Variants in CTNND2 observed in about 807,000 individuals in gnomAD.
CTNND2 encodes the protein catenin delta-2.
A neutral mutation model predicts 144.4 loss-of-function variants in CTNND2; 22 were observed. The ratio of observed to expected loss-of-function variants is 0.15; its 90% confidence interval spans 0.11 to 0.22. The LOEUF is 0.22. Among genes scored for constraint, CTNND2 ranks in the 10% least tolerant of loss-of-function variants. The probability of loss-of-function intolerance (pLI) is 1.00; values close to 1 mark genes in which losing one functional copy is unlikely to be tolerated. For missense variants in CTNND2, 1,353 were observed against 1,618.8 expected, an observed-to-expected ratio of 0.84 and a Z score of 2.82; for synonymous variants, 751 against 695.6, an observed-to-expected ratio of 1.08 and a Z score of -1.25.
chr5:11,558,361 T>TAC (rs1359917858), intron 3 of CTNND2, among the ~76,000 whole-genome samples: 1 of 103,016 alleles, frequency 9.7e-6, no homozygotes, highest in African/African-American at 3.2e-5. Flanking sequence ...TGTGTGTGTG[T>TAC]GTGTGTGTGT....
intron 2 of CTNND2, among the ~76,000 whole-genome samples, chr5:11,710,130 G>A (rs1003219560): frequency 3.9e-5 from 6 of 152,122 alleles, no homozygotes; most frequent in Admixed American, 1.3e-4. Flanking sequence ...CCAAGAGAAG[G>A]GCAGGCAAAG....
chr5:11,429,550 C>T (rs751779332), intron 3 of CTNND2, among the ~76,000 whole-genome samples: 1 of 152,138 alleles, frequency 6.6e-6, no homozygotes, highest in Non-Finnish European at 1.5e-5. Context: ...TTTAATCTGG[C>T]TAGAGAGGAA....
At chr5:11,011,825 T>C (rs1741121737) in intron 18 of CTNND2, among the ~76,000 whole-genome samples, 1 of 152,072 alleles carries the variant, frequency 6.6e-6, no homozygotes, top group Non-Finnish European at 1.5e-5. Flanking sequence ...GTTGTAAACA[T>C]GGGACTCTGT....
rs1738170406 is a variant in CTNND2, at chr5:11,904,422, C to A, written c.-569G>T. On this transcript the variant is annotated 5_prime_UTR_variant, in exon 1 of 22. Coordinates refer to ENST00000304623, the MANE Select transcript of CTNND2 (RefSeq NM_001332.4). The surrounding 1 kb of genome is among the most constrained non-coding windows in gnomAD (Gnocchi z 4.2). ...CCGGCTAGTGAGGGAGCGTCCGCCC[C>A]GCCGCCGAAACCGGCCCCGGGTGCG... Among the ~76,000 whole-genome samples the A allele has an allele frequency of 6.6e-6, 1 of 151,832 alleles. No individual in the cohort carries two copies. The highest frequency in any genetic ancestry group is 1.5e-5 in the Non-Finnish European group (1 of 67,922).
At chr5:11,565,199 GA>G in intron 2 of CTNND2, 143 bp from the exon 3 acceptor site, 1 of 661,002 alleles carries the variant, frequency 1.5e-6, no homozygotes. Context: ...ACTAGGATTC[GA>G]AGGTTAGACA....
chr5:11,464,483 G>A (rs529695083), intron 3 of CTNND2, among the ~76,000 whole-genome samples: 13 of 152,278 alleles, frequency 8.5e-5, no homozygotes, highest in African/African-American at 2.6e-4. Context: ...CTTAGACTTA[G>A]TGGGGGCAAC....
At chr5:11,449,797 G>C (rs1765140235) in intron 3 of CTNND2, among the ~76,000 whole-genome samples, 1 of 152,152 alleles carries the variant, frequency 6.6e-6, no homozygotes, top group Non-Finnish European at 1.5e-5. Context: ...TCAGAGTGAA[G>C]ATAGTTTCTA....
chr5:11,772,901 T>C (rs568059439), intron 1 of CTNND2, among the ~76,000 whole-genome samples: 16 of 152,340 alleles, frequency 1.1e-4, no homozygotes, highest in African/African-American at 3.1e-4. Context: ...AAATTTGTTA[T>C]GGTTGTGGAG....
At chr5:11,595,097 G>T (rs1263382931) in intron 2 of CTNND2, among the ~76,000 whole-genome samples, 1 of 152,160 alleles carries the variant, frequency 6.6e-6, no homozygotes, top group Admixed American at 6.5e-5. Context: ...TTAAATCCTT[G>T]CAAGGAGTAA....
At chr5:11,504,923 G>C (rs1770876760) in intron 3 of CTNND2, among the ~76,000 whole-genome samples, 3 of 151,966 alleles carry the variant, frequency 2.0e-5, no homozygotes, top group Non-Finnish European at 4.4e-5. Flanking sequence ...CTGAGAACCT[G>C]GTAAGCCTCC....
chr5:11,049,919 A>G (rs996331734), intron 16 of CTNND2, among the ~76,000 whole-genome samples: 3 of 152,236 alleles, frequency 2.0e-5, no homozygotes, highest in Non-Finnish European at 4.4e-5. Context: ...ATGTTGCTAC[A>G]TACAGACTAC....
At chr5:11,122,735 G>A (rs1221603192) in intron 12 of CTNND2, among the ~76,000 whole-genome samples, 2 of 151,988 alleles carry the variant, frequency 1.3e-5, no homozygotes, top group Admixed American at 1.3e-4. Flanking sequence ...TTGAGGAGTG[G>A]GGTGGGCTGT....
intron 3 of CTNND2, among the ~76,000 whole-genome samples, chr5:11,458,570 C>T (rs1765931878): frequency 6.6e-6 from 1 of 152,120 alleles, no homozygotes; most frequent in Non-Finnish European, 1.5e-5. Context: ...GAGGTGGAAA[C>T]CAGGAAGAGC....
At chr5:11,133,043 A>G (rs909363180) in intron 12 of CTNND2, among the ~76,000 whole-genome samples, 1 of 152,198 alleles carries the variant, frequency 6.6e-6, no homozygotes, top group African/African-American at 2.4e-5. Flanking sequence ...CAGACAAACC[A>G]TGTTTTTGGC....
rs184338710 is a variant in CTNND2 at position 11,273,414 on chromosome 5, C to T, written c.1629-36591G>A. 1.3e-3 allele frequency among the ~76,000 whole-genome samples: 199 copies of T among 152,262 alleles called. 1 individual carries two copies. Among genetic ancestry groups the T allele is most frequent in the African/African-American group, 4.5e-3 (185 of 41,552 alleles). On this transcript the variant is annotated intron_variant, in intron 9 of 21. Transcript: ENST00000304623. ...GCCTTCAGTGAGCCAGATGCAAAAC[C>T]GTCCCCTTGGTTATAGGGAGAAGTG...
intron 1 of CTNND2, among the ~76,000 whole-genome samples, chr5:11,867,499 T>C (rs1281522696): frequency 2.0e-5 from 3 of 152,214 alleles, no homozygotes; most frequent in Non-Finnish European, 2.9e-5. Flanking sequence ...AACAGGATAC[T>C]CAGTCACATT....
chr5:11,229,810 C>CAT (rs1448924514), intron 10 of CTNND2, among the ~76,000 whole-genome samples: 1 of 151,566 alleles, frequency 6.6e-6, no homozygotes, highest in Non-Finnish European at 1.5e-5. Context: ...TACATACACA[C>CAT]ATATATATAC....
intron 2 of CTNND2, among the ~76,000 whole-genome samples, chr5:11,620,032 CGAT>C (rs200510696): frequency 0.015 from 2,232 of 152,102 alleles, 54 homozygotes; most frequent in African/African-American, 0.051. Context: ...GCATTTTAAT[CGAT>C]GATATTTTGC....
intron 1 of CTNND2, among the ~76,000 whole-genome samples, chr5:11,888,362 C>T (rs1379906): frequency 0.018 from 2,687 of 152,204 alleles, 83 homozygotes; most frequent in African/African-American, 0.057. Flanking sequence ...CTGCGTGCAC[C>T]CCATTCCCCA....
Sources: gnomAD v4.1 joint callset for allele counts (sites outside exome capture counted in the v4.1 genomes callset) on GRCh38, gnomAD v4.1.1 for gene constraint, Gnocchi (gnomAD v3.1) non-coding constraint, MANE v1.5 for transcripts, NCBI Gene and HGNC (gene_info 2026-07-23, HGNC 2026-07-21) for gene names.